The following TMPRSS11A variants were observed in gnomAD, a reference collection of about 807,000 sequenced individuals.
The protein encoded by TMPRSS11A is transmembrane serine protease 11A.
Under a neutral mutation model 58.9 loss-of-function variants are expected in TMPRSS11A, and 53 were observed. The ratio of observed to expected loss-of-function variants is 0.90; its 90% CI spans 0.72 to 1.13. The LOEUF (loss-of-function observed/expected upper bound fraction) is 1.13, where lower values mean the gene tolerates loss of function less well. TMPRSS11A is among the 50% of genes most tolerant of loss of function. The probability of loss-of-function intolerance (pLI) is 0.00; values close to 1 mark genes in which losing one functional copy is unlikely to be tolerated. For missense variants in TMPRSS11A, 493 were observed against 499.3 expected, an observed-to-expected ratio of 0.99 and a Z score of 0.12; for synonymous variants, 167 against 169.8, an observed-to-expected ratio of 0.98 and a Z score of 0.13.
chr4:67,922,802 G>A lies in TMPRSS11A; in HGVS notation c.645C>T (p.Thr215=). 1.2e-6 allele frequency: 2 copies of A among 1,614,100 alleles called. No individual in the cohort carries two copies. The highest frequency in any genetic ancestry group is 1.7e-6 in the Non-Finnish European group (2 of 1,180,006). ...TGACAAGCCATGTGTTACTAATCAAGGTGGCCCCACACTGATGGATGTTAT... is the reference window on the plus strand; with the variant it reads ...TGACAAGCCATGTGTTACTAATCAAAGTGGCCCCACACTGATGGATGTTAT... ...QYDNIHQCGA[T]LISNTWLVTA... The change falls in exon 7 of 10, where the codon ACC becomes ACT. Residue 215 remains threonine, a synonymous_variant. Coordinates refer to ENST00000508048, the MANE Select transcript of TMPRSS11A (RefSeq NM_001114387.2).
At chr4:67,949,160 A>C (rs891086244) in intron 1 of TMPRSS11A, among the ~76,000 whole-genome samples, 7 of 152,192 alleles carry the variant, frequency 4.6e-5, no homozygotes, top group Admixed American at 4.6e-4. Flanking sequence ...ATTAGAGCAC[A>C]GTTCCTCTGA....
chr4:67,918,778 T>A lies in TMPRSS11A; in HGVS notation c.952+195A>T, dbSNP rs79098084. On this transcript the variant is annotated intron_variant, in intron 8 of 9. Coordinates refer to ENST00000508048, the MANE Select transcript of TMPRSS11A (RefSeq NM_001114387.2). The stretch of plus-strand genomic sequence containing the variant: ...GACTTCCAAATTACATGAGCCAAAT[T>A]TGTGGAAGTTTTTGTTTCTTTGTTT... Among the ~76,000 whole-genome samples the A allele has an allele frequency of 9.1e-3, 1,383 of 152,266 alleles. 16 individuals are homozygous for A. Among genetic ancestry groups the A allele is most frequent in the African/African-American group, 0.031 (1,296 of 41,546 alleles).
At chr4:67,931,559 A>G (rs1333283534) in intron 4 of TMPRSS11A, among the ~76,000 whole-genome samples, 1 of 152,194 alleles carries the variant, frequency 6.6e-6, no homozygotes, top group Admixed American at 6.5e-5. Context: ...TCATTCGGTT[A>G]CATTACAGGT....
At chr4:67,915,646 C>A (rs143365531) in intron 8 of TMPRSS11A, among the ~76,000 whole-genome samples, 2 of 152,310 alleles carry the variant, frequency 1.3e-5, no homozygotes, top group East Asian at 3.9e-4. Flanking sequence ...AAAGGGCGAG[C>A]CTTGCTGGAG....
At chr4:67,911,929 A>G (rs1478650043) in intron 9 of TMPRSS11A, among the ~76,000 whole-genome samples, 2 of 152,074 alleles carry the variant, frequency 1.3e-5, no homozygotes, top group Admixed American at 6.5e-5. Flanking sequence ...ATTTTCTCTT[A>G]CGTAGTTAGG....
At chr4:67,922,654 T>G in intron 7 of TMPRSS11A, 101 bp downstream of exon 7, 1 of 1,168,020 alleles carries the variant, frequency 8.6e-7, no homozygotes, top group Non-Finnish European at 1.2e-6. Flanking sequence ...TTTTTCTTAT[T>G]TTACTTCAGT....
intron 4 of TMPRSS11A, among the ~76,000 whole-genome samples, chr4:67,931,436 A>T (rs1720617137): frequency 6.6e-6 from 1 of 152,208 alleles, no homozygotes; most frequent in Admixed American, 6.5e-5. Context: ...TCAAAATAAC[A>T]CAATTGAAAC....
intron 1 of TMPRSS11A, among the ~76,000 whole-genome samples, chr4:67,960,859 T>C (rs1354556170): frequency 6.6e-6 from 1 of 152,186 alleles, no homozygotes; most frequent in Non-Finnish European, 1.5e-5. Context: ...TTTGCATTTA[T>C]TAAACAATGC....
intron 1 of TMPRSS11A, among the ~76,000 whole-genome samples, chr4:67,962,004 T>C (rs1721441394): frequency 6.6e-6 from 1 of 152,192 alleles, no homozygotes; most frequent in African/African-American, 2.4e-5. Context: ...ATATGAAATA[T>C]GAAAAACTGG....
intron 3 of TMPRSS11A, among the ~76,000 whole-genome samples, chr4:67,942,332 A>C (rs933813648): frequency 6.6e-6 from 1 of 152,140 alleles, no homozygotes. Context: ...TTAGGTCATG[A>C]GGGTGGAGTT....
At chr4:67,924,047 TG>T in intron 6 of TMPRSS11A, 80 bp downstream of exon 6, 3 of 1,136,988 alleles carry the variant, frequency 2.6e-6, no homozygotes, top group Non-Finnish European at 2.7e-6. Context: ...GGAGGACAGA[TG>T]GGCAAGTATG....
chr4:67,913,412 T>TA (rs200313911), intron 9 of TMPRSS11A, among the ~76,000 whole-genome samples: 1 of 152,338 alleles, frequency 6.6e-6, no homozygotes, highest in East Asian at 1.9e-4. Context: ...TCCTTGTACC[T>TA]GAACCGCTGC....
At chr4:67,916,136 T>A (rs1720138716) in intron 8 of TMPRSS11A, among the ~76,000 whole-genome samples, 1 of 152,184 alleles carries the variant, frequency 6.6e-6, no homozygotes, top group Admixed American at 6.5e-5. Context: ...TATTAAGTGT[T>A]CTTGCCACAA....
chr4:67,912,129 C>CT (rs996796066), intron 9 of TMPRSS11A, among the ~76,000 whole-genome samples: 1 of 152,088 alleles, frequency 6.6e-6, no homozygotes, highest in Non-Finnish European at 1.5e-5. Context: ...TAACACAACT[C>CT]TTTTTTTCAT....
chr4:67,956,419 C>A (rs1721290153), intron 1 of TMPRSS11A, among the ~76,000 whole-genome samples: 1 of 152,152 alleles, frequency 6.6e-6, no homozygotes, highest in Non-Finnish European at 1.5e-5. Flanking sequence ...GCTTATATTA[C>A]TTTCATATCT....
chr4:67,923,195 T>C (rs1284123942), intron 6 of TMPRSS11A, among the ~76,000 whole-genome samples: 5 of 152,222 alleles, frequency 3.3e-5, no homozygotes, highest in Non-Finnish European at 4.4e-5. Flanking sequence ...ATTTTCATAC[T>C]TCCTGATTTA....
In TMPRSS11A at chr4:67,930,760, AAAAAACAAAAAACCTTG is replaced by A. The variant is rs1324560048; in HGVS notation, c.321-737_321-721del. 8.0e-5 allele frequency among the ~76,000 whole-genome samples: 12 copies of A among 150,166 alleles called. No individual in the cohort carries two copies. The South Asian group carries it at 2.3e-3, about 29-fold the overall frequency. On this transcript the variant is annotated intron_variant, in intron 4 of 9. Coordinates refer to ENST00000508048, the MANE Select transcript of TMPRSS11A (RefSeq NM_001114387.2). Reference sequence around the variant, plus strand: ...GCAATTACAGGTTTTTGTTTAAAAAAAAAAACAAAAAACCTTGAAACTAATATATATTGATCTGTTAT... The same window carrying A: ...GCAATTACAGGTTTTTGTTTAAAAAAAAACTAATATATATTGATCTGTTAT...
chr4:67,921,020 C>A (rs1304879501), intron 7 of TMPRSS11A, among the ~76,000 whole-genome samples: 1 of 151,910 alleles, frequency 6.6e-6, no homozygotes, highest in Non-Finnish European at 1.5e-5. Context: ...TATGTTTGGT[C>A]TGAAAAAGAG....
chr4:67,929,794 TG>T, intron 5 of TMPRSS11A, 85 bp downstream of exon 5: 1 of 1,225,428 alleles, frequency 8.2e-7, no homozygotes, highest in Non-Finnish European at 1.1e-6. Context: ...TTATTTGAAA[TG>T]GAAATAATGA....
Sources: allele counts gnomAD v4.1 joint callset (sites outside exome capture counted in the v4.1 genomes callset), GRCh38; gene constraint gnomAD v4.1.1; transcripts MANE v1.5; gene names NCBI Gene and HGNC (gene_info 2026-07-23, HGNC 2026-07-21).